The following P2RY8 variants were observed in gnomAD, a reference collection of about 807,000 sequenced individuals.
P2RY8 encodes the protein S-geranylgeranyl-glutathione receptor P2RY8.
P2RY8 carries 6 observed loss-of-function variants against 10.0 expected under a neutral mutation model. The observed-to-expected ratio is 0.60, with a 90% CI of 0.33 to 1.19. The LOEUF is 1.19. Ranked by LOEUF, P2RY8 falls within the 50% of genes most tolerant of loss-of-function variation. P2RY8 has a pLI of 0.04. For synonymous variants in P2RY8, 276 were observed against 252.5 expected (o/e 1.09, Z -0.88); for missense variants, 456 against 542.0 (o/e 0.84, Z 1.58).
At chrX:1,526,322 C>A (rs73186953) in intron 1 of P2RY8, among the ~76,000 whole-genome samples, 15,371 of 151,300 alleles carry the variant, frequency 0.1, 870 homozygotes, top group African/African-American at 0.12. Context: ...GCTCATCCAC[C>A]CATCCATTCA....
intron 1 of P2RY8, among the ~76,000 whole-genome samples, chrX:1,473,286 TG>T (rs1257927383): frequency 1.4e-5 from 2 of 143,004 alleles, no homozygotes; most frequent in Admixed American, 7.2e-5. Flanking sequence ...AGTGGGTGGA[TG>T]GGGGGTTGGA....
At chrX:1,466,875 C>G (rs1425121633) in intron 1 of P2RY8, among the ~76,000 whole-genome samples, 1 of 149,392 alleles carries the variant, frequency 6.7e-6, no homozygotes, top group Non-Finnish European at 1.5e-5. Flanking sequence ...TCCTTCCTTC[C>G]TTCCTTCCTT....
intron 1 of P2RY8, among the ~76,000 whole-genome samples, chrX:1,514,816 T>TCCTTC (rs2092331815): frequency 2.6e-5 from 2 of 76,438 alleles, no homozygotes; most frequent in African/African-American, 1.1e-4. Flanking sequence ...TCCTTTCCTT[T>TCCTTC]CCTTCCCTTT....
chrX:1,477,400 A>C (rs1204265360), intron 1 of P2RY8, among the ~76,000 whole-genome samples: 1 of 152,122 alleles, frequency 6.6e-6, no homozygotes, highest in South Asian at 2.1e-4. Flanking sequence ...TTACTTATCT[A>C]TCTAGCAATC....
intron 1 of P2RY8, among the ~76,000 whole-genome samples, chrX:1,488,997 G>T (rs1418324240): frequency 1.3e-5 from 2 of 149,576 alleles, no homozygotes; most frequent in African/African-American, 4.9e-5. Flanking sequence ...GGAATGAATG[G>T]ATGATACCTA....
Position 1,471,309 on chromosome X carries a change from A to AT in P2RY8, c.-24-4728dup, listed in dbSNP as rs1159260456. ...AGACGTGAGCCACCGCGCCCAGCCC[A>AT]TTTTTTTTTTTTTTTTTTTTTTGTA... On this transcript the variant is annotated intron_variant, in intron 1 of 1. Coordinates refer to ENST00000381297, the MANE Select transcript of P2RY8 (RefSeq NM_178129.5). Among the ~76,000 whole-genome samples the AT allele has an allele frequency of 8.2e-4, 82 of 100,046 alleles. 11 individuals are homozygous for AT. Among genetic ancestry groups the AT allele is most frequent in the Middle Eastern group, 6.9e-3 (1 of 144 alleles). The allele number at this position is 100,046 out of a possible 152,430, so 65.6% of individuals were successfully genotyped here. A position where few individuals can be genotyped will look rare whatever the true frequency, so the allele number is the denominator to read the frequency against.
intron 1 of P2RY8, among the ~76,000 whole-genome samples, chrX:1,524,804 CTCAT>C (rs1489883112): frequency 1.3e-3 from 42 of 31,612 alleles, no homozygotes; most frequent in African/African-American, 1.5e-3. Context: ...CATCCATCCA[CTCAT>C]CCATCCATCC....
intron 1 of P2RY8, among the ~76,000 whole-genome samples, chrX:1,498,263 G>A (rs1239975392): frequency 1.3e-5 from 2 of 151,502 alleles, no homozygotes; most frequent in South Asian, 2.1e-4. Flanking sequence ...AAAATTAGCC[G>A]GGTGTGGTGG....
At chrX:1,480,588 G>A (rs2091923344) in intron 1 of P2RY8, among the ~76,000 whole-genome samples, 1 of 151,986 alleles carries the variant, frequency 6.6e-6, no homozygotes, top group African/African-American at 2.4e-5. Flanking sequence ...ACCAAACACT[G>A]CATGTTGTCA....
chrX:1,482,160 G>GGT (rs5901178), intron 1 of P2RY8, among the ~76,000 whole-genome samples: 1,665 of 147,016 alleles, frequency 0.011, 27 homozygotes, highest in African/African-American at 0.025. Context: ...TTGTGTGTGT[G>GGT]GTGTGTGTGT....
intron 1 of P2RY8, among the ~76,000 whole-genome samples, chrX:1,525,985 A>G (rs1201468385): frequency 5.9e-5 from 9 of 151,964 alleles, no homozygotes; most frequent in African/African-American, 2.2e-4. Context: ...CCATTCATTT[A>G]TTCATGCATC....
chrX:1,500,490 G>C (rs1295199009), intron 1 of P2RY8, among the ~76,000 whole-genome samples: 3 of 151,912 alleles, frequency 2.0e-5, no homozygotes, highest in African/African-American at 7.3e-5. Context: ...TGTCATCTAG[G>C]CTGGAGTGCA....
intron 1 of P2RY8, among the ~76,000 whole-genome samples, chrX:1,529,050 A>G (rs1194454346): frequency 6.6e-6 from 1 of 152,176 alleles, no homozygotes; most frequent in Non-Finnish European, 1.5e-5. Context: ...TGTGGAAGCC[A>G]GCATTTAGTC....
chrX:1,521,488 C>G (rs1433733160), intron 1 of P2RY8, among the ~76,000 whole-genome samples: 3 of 152,126 alleles, frequency 2.0e-5, no homozygotes, highest in Admixed American at 6.6e-5. Context: ...TGGACAAACC[C>G]TAAGATCATT....
rs1292768490 is a variant in P2RY8, at chrX:1,487,729, T to C, written c.-24-21147A>G. ...TGAAGTGTATCATCCTGGTGCTCCCTGAGGCTGGAGCATAGTCCTGGCCTG... is the reference window on the plus strand; with the variant it reads ...TGAAGTGTATCATCCTGGTGCTCCCCGAGGCTGGAGCATAGTCCTGGCCTG... On this transcript the variant is annotated intron_variant, in intron 1 of 1. Transcript: ENST00000381297. 2.0e-5 allele frequency among the ~76,000 whole-genome samples: 3 copies of C among 152,150 alleles called. No individual in the cohort carries two copies. In the East Asian group the frequency reaches 5.8e-4, roughly 29 times the overall value.
intron 1 of P2RY8, among the ~76,000 whole-genome samples, chrX:1,484,746 AAAGAAGAAGAAG>A (rs1291013790): frequency 6.3e-5 from 7 of 110,360 alleles, no homozygotes; most frequent in South Asian, 3.6e-4. Context: ...AAAAAAAAAA[AAAGAAGAAGAAG>A]AAGAAGAAGC....
At chrX:1,501,614 G>A (rs1284338045) in intron 1 of P2RY8, among the ~76,000 whole-genome samples, 1 of 151,818 alleles carries the variant, frequency 6.6e-6, no homozygotes, top group Non-Finnish European at 1.5e-5. Context: ...TATTATTTGA[G>A]ACAAAGTTTC....
chrX:1,490,000 G>T (rs1404668033), intron 1 of P2RY8, among the ~76,000 whole-genome samples: 5 of 4,960 alleles, frequency 1.0e-3, no homozygotes, highest in African/African-American at 3.9e-3. Context: ...AATGTAGAGA[G>T]AATGAATGAA....
intron 1 of P2RY8, among the ~76,000 whole-genome samples, chrX:1,526,380 A>G (rs1247785473): frequency 6.6e-6 from 1 of 151,502 alleles, no homozygotes; most frequent in East Asian, 1.9e-4. Context: ...TTATCAATAC[A>G]CCCACTATTC....
Sources: gnomAD v4.1 joint callset for allele counts (sites outside exome capture counted in the v4.1 genomes callset) on GRCh38, gnomAD v4.1.1 for gene constraint, MANE v1.5 for transcripts, NCBI Gene and HGNC (gene_info 2026-07-23, HGNC 2026-07-21) for gene names.